Variants in F13A1 observed in about 807,000 individuals in gnomAD.
F13A1 encodes FSF, A subunit.
F13A1 carries 47 observed loss-of-function variants against 80.1 expected under a neutral mutation model. That is an observed-to-expected ratio of 0.59 (90% CI 0.46 to 0.75). The LOEUF is 0.75. Ranked by LOEUF, F13A1 falls within the 30% of genes least tolerant of loss-of-function variation. F13A1 has a pLI of 0.00. For synonymous variants in F13A1, 349 were observed against 344.9 expected (o/e 1.01, Z -0.13); for missense variants, 817 against 930.4 (o/e 0.88, Z 1.59).
intron 14 of F13A1, 122 bp from the exon 15 acceptor site, chr6:6,145,894 G>C (rs1760269676): frequency 3.0e-6 from 4 of 1,320,464 alleles, no homozygotes; most frequent in Non-Finnish European, 4.3e-6. Flanking sequence ...TTAGGACACT[G>C]AAGACTCTCA....
rs779328579 is a variant in F13A1 at position 6,145,698 on chromosome 6, A to G, written c.2120T>C (p.Ile707Thr). Residue 707 changes from isoleucine to threonine, a missense_variant, in exon 15 of 15, where the codon ATA (isoleucine) becomes ACA (threonine). By Grantham distance (89) the Ile-to-Thr change is moderately conservative. Transcript: ENST00000264870. ...CAGGGAGTCACTGCTCATGCTGGCTATCAGCTTCCGATGCCCAGAGACCCA... is the reference window on the plus strand; with the variant it reads ...CAGGGAGTCACTGCTCATGCTGGCTGTCAGCTTCCGATGCCCAGAGACCCA... ...RPWVSGHRKLIASMSSDSLRH... is the reference protein window; with the variant it reads ...RPWVSGHRKLTASMSSDSLRH... The G allele has an allele frequency of 6.2e-7, 1 of 1,614,156 alleles. No homozygotes were observed. Among genetic ancestry groups the G allele is most frequent in the Non-Finnish European group, 8.5e-7 (1 of 1,180,004 alleles).
At chr6:6,314,025 A>G (rs113861892) in intron 2 of F13A1, among the ~76,000 whole-genome samples, 4,247 of 125,896 alleles carry the variant, frequency 0.034, 114 homozygotes, top group South Asian at 0.095. Context: ...CTTATCGCCC[A>G]GGCTGGAGTG....
At chr6:6,303,612 G>A (rs936177461) in intron 3 of F13A1, among the ~76,000 whole-genome samples, 3 of 152,148 alleles carry the variant, frequency 2.0e-5, no homozygotes, top group Admixed American at 2.0e-4. Flanking sequence ...TAGTCACCAT[G>A]CTGTGGAATA....
At chr6:6,164,085 C>T (rs1196127164) in intron 13 of F13A1, among the ~76,000 whole-genome samples, 1 of 151,820 alleles carries the variant, frequency 6.6e-6, no homozygotes, top group African/African-American at 2.4e-5. Context: ...CAATAACCAG[C>T]ATCTATAAGG....
intron 5 of F13A1, among the ~76,000 whole-genome samples, chr6:6,249,113 G>A (rs2113099792): frequency 6.6e-6 from 1 of 152,326 alleles, no homozygotes; most frequent in African/African-American, 2.4e-5. Context: ...CAAATAGCAA[G>A]ACAGGAAGAT....
chr6:6,226,931 TG>T (rs1287012978), intron 6 of F13A1, among the ~76,000 whole-genome samples: 2 of 152,060 alleles, frequency 1.3e-5, no homozygotes, highest in South Asian at 2.1e-4. Flanking sequence ...GTGGTGATGC[TG>T]GGGGGCCTAA....
intron 2 of F13A1, among the ~76,000 whole-genome samples, chr6:6,306,594 A>T (rs1174519314): frequency 4.6e-5 from 7 of 152,180 alleles, no homozygotes; most frequent in Admixed American, 4.6e-4. Flanking sequence ...ACTGTACTTT[A>T]GAAGATCTAG....
intron 6 of F13A1, 108 bp from the exon 7 acceptor site, chr6:6,224,968 C>T (rs1026154871): frequency 8.4e-7 from 1 of 1,190,264 alleles, no homozygotes; most frequent in Non-Finnish European, 1.2e-6. Context: ...ATATGTTGTG[C>T]CCAGTGAAAA....
At chr6:6,202,728 T>C (rs1761420570) in intron 8 of F13A1, among the ~76,000 whole-genome samples, 1 of 152,224 alleles carries the variant, frequency 6.6e-6, no homozygotes, top group Non-Finnish European at 1.5e-5. Flanking sequence ...TTTGGGAGGA[T>C]AACGATGGAG....
rs564349542 is a variant in F13A1 at position 6,181,081 on chromosome 6, C to T, written c.1459+907G>A. ...CCTCGGGCAGCTTTGTCTTCAGTCA[C>T]TGGGCATTCTGAGCCTGCAGGATCC... is the stretch of plus-strand genomic sequence containing the variant. On this transcript the variant is annotated intron_variant, in intron 11 of 14. Transcript: ENST00000264870. Among the ~76,000 whole-genome samples, 198 of 152,332 alleles carry T rather than the reference C, an allele frequency of 1.3e-3. 1 individual carries two copies. The highest frequency in any genetic ancestry group is 3.2e-3 in the African/African-American group (132 of 41,566).
At chr6:6,197,121 T>C (rs373500003) in intron 9 of F13A1, 102 bp downstream of exon 9, 24 of 1,028,978 alleles carry the variant, frequency 2.3e-5, no homozygotes, top group East Asian at 1.5e-4. Flanking sequence ...ACTTCAGATG[T>C]TGCCTCCCAA....
chr6:6,304,900 T>G (rs1583122757), intron 3 of F13A1, among the ~76,000 whole-genome samples: 1 of 144,974 alleles, frequency 6.9e-6, no homozygotes, highest in East Asian at 2.0e-4. Flanking sequence ...AAGTACAAAG[T>G]GTTTAGTGAA....
At chr6:6,314,636 A>G (rs936844395) in intron 2 of F13A1, among the ~76,000 whole-genome samples, 1 of 152,248 alleles carries the variant, frequency 6.6e-6, no homozygotes. Flanking sequence ...TGCAATTTGC[A>G]TAAATCACAG....
intron 3 of F13A1, among the ~76,000 whole-genome samples, chr6:6,294,737 A>ATTTT (rs1758293842): frequency 1.4e-5 from 2 of 143,032 alleles, no homozygotes; most frequent in African/African-American, 2.9e-5. Flanking sequence ...CTTTTTTTAA[A>ATTTT]AATTTATTTA....
At chr6:6,210,324 G>GATTATATATATATATATATAT (rs1554100764) in intron 8 of F13A1, among the ~76,000 whole-genome samples, 2 of 82,906 alleles carry the variant, frequency 2.4e-5, no homozygotes, top group African/African-American at 1.0e-4. Context: ...TGTAGCATGT[G>GATTATATATATATATATATAT]ATATATATAT....
At position 6,310,412 on chromosome 6, in the gene F13A1, T is replaced by C. The variant is rs536983273; in HGVS notation, c.131-4873A>G. ...GTGCAGCCTCAGAAAAGTTATTTAA[T>C]CTATCTGAGCCTCAGTTTTCTTATC... On this transcript the variant is annotated intron_variant, in intron 2 of 14. Coordinates refer to ENST00000264870, the MANE Select transcript of F13A1 (RefSeq NM_000129.4). Among the ~76,000 whole-genome samples the C allele has an allele frequency of 3.3e-5, 5 of 152,328 alleles. No homozygotes were observed. In the East Asian group the frequency reaches 5.8e-4, roughly 18 times the overall value.
At chr6:6,234,065 C>T (rs1561663376) in intron 6 of F13A1, among the ~76,000 whole-genome samples, 1 of 152,124 alleles carries the variant, frequency 6.6e-6, no homozygotes, top group Non-Finnish European at 1.5e-5. Context: ...ACTGTCACCA[C>T]TCCTCTTCAA....
intron 3 of F13A1, among the ~76,000 whole-genome samples, chr6:6,281,888 G>C (rs1758070692): frequency 1.3e-5 from 2 of 151,814 alleles, no homozygotes; most frequent in South Asian, 4.2e-4. Context: ...CAGCTACCCA[G>C]GAGGCTGAGG....
At position 6,298,721 on chromosome 6, in the gene F13A1, T is replaced by A. The variant is rs1245236980; in HGVS notation, c.319+6630A>T. Among the ~76,000 whole-genome samples the A allele has an allele frequency of 6.0e-5, 9 of 150,132 alleles. No homozygotes were observed. The South Asian group carries it at 1.9e-3, about 31-fold the overall frequency. On this transcript the variant is annotated intron_variant, in intron 3 of 14. Transcript: ENST00000264870. ...TTATCCAATTTGCCAGTCTGTGTCTTTTAATTGGAGCATTTAGTCCATTTA... is the reference window on the plus strand; with the variant it reads ...TTATCCAATTTGCCAGTCTGTGTCTATTAATTGGAGCATTTAGTCCATTTA...
Sources: gnomAD v4.1 joint callset for allele counts (sites outside exome capture counted in the v4.1 genomes callset) on GRCh38, gnomAD v4.1.1 for gene constraint, MANE v1.5 for transcripts, NCBI Gene and HGNC (gene_info 2026-07-23, HGNC 2026-07-21) for gene names.